Variants in CACNA2D3 observed in about 807,000 individuals in gnomAD.
CACNA2D3 encodes the protein voltage-dependent calcium channel subunit alpha-2/delta-3.
CACNA2D3 carries 60 observed loss-of-function variants against 160.6 expected under a neutral mutation model. That is an observed-to-expected ratio of 0.37 (90% CI 0.30 to 0.46). The LOEUF (loss-of-function observed/expected upper bound fraction) is 0.46, where lower values mean the gene tolerates loss of function less well. CACNA2D3 is among the 20% of genes least tolerant of loss of function. The probability of loss-of-function intolerance (pLI) is 1.00; values close to 1 mark genes in which losing one functional copy is unlikely to be tolerated. For missense variants in CACNA2D3, 1,205 were observed against 1,365.0 expected, an observed-to-expected ratio of 0.88 and a Z score of 1.85; for synonymous variants, 558 against 492.9, an observed-to-expected ratio of 1.13 and a Z score of -1.75.
At chr3:54,485,204 T>C (rs1244488166) in intron 4 of CACNA2D3, among the ~76,000 whole-genome samples, 4 of 152,172 alleles carry the variant, frequency 2.6e-5, no homozygotes, top group African/African-American at 9.7e-5. Flanking sequence ...ACCAAAAATA[T>C]GGATTTGCCG....
chr3:54,203,461 A>G (rs1031293457), intron 2 of CACNA2D3, among the ~76,000 whole-genome samples: 2 of 152,150 alleles, frequency 1.3e-5, no homozygotes, highest in Non-Finnish European at 2.9e-5. Flanking sequence ...GTGTTAGCTC[A>G]GTTAGACCCT....
chr3:54,498,817 C>A (rs141456761), intron 4 of CACNA2D3, among the ~76,000 whole-genome samples: 1 of 152,000 alleles, frequency 6.6e-6, no homozygotes, highest in African/African-American at 2.4e-5. Context: ...TTTCCCATGT[C>A]ATTTTTTTCC....
chr3:54,894,721 C>T, intron 25 of CACNA2D3: 1 of 471,292 alleles, frequency 2.1e-6, no homozygotes, highest in East Asian at 6.4e-5. Flanking sequence ...CTCCTCCTCA[C>T]ACCGTCCAGG....
intron 12 of CACNA2D3, 58 bp from the exon 13 acceptor site, chr3:54,764,160 C>T (rs1702174251): frequency 6.3e-7 from 1 of 1,595,392 alleles, no homozygotes; most frequent in Non-Finnish European, 8.6e-7. Flanking sequence ...TATGCATATT[C>T]CCAGTTGCAA....
intron 8 of CACNA2D3, among the ~76,000 whole-genome samples, chr3:54,574,722 G>A (rs553701611): frequency 9.8e-5 from 15 of 152,290 alleles, no homozygotes; most frequent in African/African-American, 3.1e-4. Context: ...AAATGAGGGT[G>A]CTAATTCTGT....
intron 17 of CACNA2D3, among the ~76,000 whole-genome samples, chr3:54,856,942 T>C (rs191761841): frequency 0.01 from 1,531 of 152,260 alleles, 12 homozygotes; most frequent in Non-Finnish European, 0.015. Context: ...CACTATGCTC[T>C]GATGACTTTT....
At chr3:54,754,838 T>C (rs1381795177) in intron 12 of CACNA2D3, among the ~76,000 whole-genome samples, 1 of 152,106 alleles carries the variant, frequency 6.6e-6, no homozygotes, top group Non-Finnish European at 1.5e-5. Flanking sequence ...AAAGTTGTTT[T>C]AGGTGCAAGC....
intron 2 of CACNA2D3, among the ~76,000 whole-genome samples, chr3:54,216,924 G>A (rs79166598): frequency 6.6e-6 from 1 of 152,134 alleles, no homozygotes; most frequent in Admixed American, 6.5e-5. Context: ...TGTTTGGTGG[G>A]GGGAGATAAA....
rs1297665729 is a variant in CACNA2D3, at chr3:54,191,604, C to G, written c.204+68010C>G. ...AAGGAAATCGGTGATACAGTCTCTT[C>G]TCATGCTTGTGCCTGGTGCTGGGAG... On this transcript the variant is annotated intron_variant, in intron 2 of 37. Transcript: ENST00000474759. Among the ~76,000 whole-genome samples, 3 of 152,076 alleles carry G rather than the reference C, an allele frequency of 2.0e-5. No individual in the cohort carries two copies. In the East Asian group the frequency reaches 5.8e-4, roughly 29 times the overall value.
intron 3 of CACNA2D3, among the ~76,000 whole-genome samples, chr3:54,375,661 G>T (rs1163398786): frequency 6.6e-6 from 1 of 152,146 alleles, no homozygotes; most frequent in East Asian, 1.9e-4. Flanking sequence ...TTGGGTCATA[G>T]TCATGATTAG....
At chr3:54,822,195 G>T (rs1227486074) in intron 14 of CACNA2D3, among the ~76,000 whole-genome samples, 2 of 152,138 alleles carry the variant, frequency 1.3e-5, no homozygotes, top group South Asian at 2.1e-4. Context: ...CAAGCCGGGG[G>T]TGTTAAGATT....
intron 4 of CACNA2D3, among the ~76,000 whole-genome samples, chr3:54,465,639 C>T (rs570147406): frequency 6.6e-6 from 1 of 152,160 alleles, no homozygotes; most frequent in East Asian, 1.9e-4. Context: ...CATTTTGGAA[C>T]CCTCTAGCAC....
intron 10 of CACNA2D3, chr3:54,633,814 G>A (rs1480554904): frequency 6.6e-6 from 1 of 152,198 alleles, no homozygotes; most frequent in Non-Finnish European, 1.5e-5. Flanking sequence ...TTAACCTGTG[G>A]TGTACCAACC....
At chr3:54,597,424 C>T (rs757288395) in intron 9 of CACNA2D3, among the ~76,000 whole-genome samples, 11 of 152,108 alleles carry the variant, frequency 7.2e-5, no homozygotes, top group Non-Finnish European at 1.5e-4. Context: ...CTCTCTCTCC[C>T]ACCTTCACCC....
intron 27 of CACNA2D3, chr3:54,925,014 A>G (rs1344129454): frequency 6.2e-7 from 1 of 1,614,184 alleles, no homozygotes; most frequent in African/African-American, 1.3e-5. Flanking sequence ...CACTGACCTA[A>G]ATGCAAAAGC....
At chr3:54,838,522 C>A in intron 15 of CACNA2D3, 46 bp from the exon 16 acceptor site, 1 of 1,455,856 alleles carries the variant, frequency 6.9e-7, no homozygotes, top group Non-Finnish European at 9.7e-7. Context: ...ATTTCTTTTG[C>A]CAAGTTAACT....
At chr3:54,605,237 T>C (rs1288396087) in intron 9 of CACNA2D3, among the ~76,000 whole-genome samples, 2 of 152,194 alleles carry the variant, frequency 1.3e-5, no homozygotes, top group Non-Finnish European at 2.9e-5. Context: ...TAATTACATC[T>C]GCAGCAACCC....
intron 11 of CACNA2D3, among the ~76,000 whole-genome samples, chr3:54,687,996 C>T (rs913678593): frequency 2.0e-5 from 3 of 152,152 alleles, no homozygotes; most frequent in Admixed American, 6.5e-5. Context: ...TGTGAATCTA[C>T]TTGTCTTTGC....
intron 3 of CACNA2D3, among the ~76,000 whole-genome samples, chr3:54,338,642 T>C (rs1704449621): frequency 6.6e-6 from 1 of 152,132 alleles, no homozygotes; most frequent in South Asian, 2.1e-4. Context: ...TTGTCGCTTA[T>C]GGGCCACTTG....
Sources: gnomAD v4.1 joint callset for allele counts (sites outside exome capture counted in the v4.1 genomes callset) on GRCh38, gnomAD v4.1.1 for gene constraint, MANE v1.5 for transcripts, NCBI Gene and HGNC (gene_info 2026-07-23, HGNC 2026-07-21) for gene names.